The following PCDHA5 variants were observed in gnomAD, a reference collection of about 807,000 sequenced individuals.
PCDHA5 encodes the protein protocadherin alpha-5.
In PCDHA5, 43 loss-of-function variants were observed where a neutral mutation model predicts 61.6. The observed-to-expected ratio is 0.70, with a 90% confidence interval of 0.55 to 0.90. The LOEUF (loss-of-function observed/expected upper bound fraction) is 0.90. Among genes scored for constraint, PCDHA5 ranks in the 40% least tolerant of loss-of-function variants. PCDHA5 has a pLI of 0.00. For synonymous variants in PCDHA5, 627 were observed against 543.9 expected (o/e 1.15, Z -2.13); for missense variants, 1,298 against 1,222.7 (o/e 1.06, Z -0.92).
At chr5:140,913,657 G>A (rs1554196018) in intron 1 of PCDHA5, among the ~76,000 whole-genome samples, 1 of 152,170 alleles carries the variant, frequency 6.6e-6, no homozygotes, top group Non-Finnish European at 1.5e-5. Context: ...TCTTTAAGAT[G>A]TATAGTTAGG....
rs112292443 is a variant in PCDHA5 at position 140,899,661 on chromosome 5, C to T, written c.2352+75534C>T. Among the ~76,000 whole-genome samples the T allele has an allele frequency of 4.4e-3, 665 of 152,224 alleles. 7 individuals carry two copies. Among genetic ancestry groups the T allele is most frequent in the African/African-American group, 0.015 (620 of 41,530 alleles). ...ATTCTCTTATTTGGTTGTGTCTCTGCCCGGCTTTGGTATCAGGATGATGCT... is the reference window on the plus strand; with the variant it reads ...ATTCTCTTATTTGGTTGTGTCTCTGTCCGGCTTTGGTATCAGGATGATGCT... On this transcript the variant is annotated intron_variant, in intron 1 of 3. Transcript: ENST00000529859.
In PCDHA5 at chr5:140,835,824, G is replaced by A. The variant is rs2150245957; in HGVS notation, c.2352+11697G>A. 5 of 1,612,592 alleles carry A rather than the reference G, an allele frequency of 3.1e-6. No individual in the cohort carries two copies. The South Asian group carries it at 4.4e-5, about 14-fold the overall frequency. On this transcript the variant is annotated intron_variant, in intron 1 of 3. Transcript: ENST00000529859. ...CCACATCTTCACTGTGTCGGCGGGG[G>A]ACGCGGACGCGCAGAAGAACGCGCT...
intron 1 of PCDHA5, chr5:140,871,434 A>G (rs781977570): frequency 1.9e-6 from 3 of 1,612,514 alleles, no homozygotes; most frequent in Non-Finnish European, 2.5e-6. Context: ...GTCTTCCTCT[A>G]GGTCTGAATA....
chr5:140,841,975 C>T (rs1777621234), intron 1 of PCDHA5: 7 of 1,613,726 alleles, frequency 4.3e-6, no homozygotes, highest in Non-Finnish European at 5.9e-6. Context: ...CAGATGGGGG[C>T]AAACCTGAGC....
intron 1 of PCDHA5, chr5:140,827,937 T>C (rs1259463577): frequency 8.9e-7 from 1 of 1,126,774 alleles, no homozygotes; most frequent in African/African-American, 1.6e-5. Context: ...AAGTTATAGC[T>C]AGCCAACATT....
intron 1 of PCDHA5, chr5:140,876,094 C>A (rs782479233): frequency 3.1e-6 from 5 of 1,613,926 alleles, no homozygotes; most frequent in Non-Finnish European, 4.2e-6. Flanking sequence ...AACGCCAAAA[C>A]TCAATTTATT....
chr5:140,995,346 A>G (rs2097678208), intron 3 of PCDHA5, among the ~76,000 whole-genome samples: 2 of 151,964 alleles, frequency 1.3e-5, no homozygotes, highest in South Asian at 4.2e-4. Context: ...GACGGCATGG[A>G]TAGGTCGGAC....
intron 1 of PCDHA5, among the ~76,000 whole-genome samples, chr5:140,923,528 C>CA (rs1240707958): frequency 2.0e-5 from 3 of 151,622 alleles, no homozygotes; most frequent in Non-Finnish European, 4.4e-5. Context: ...GATTCTGTCC[C>CA]AAAAAAAGGA....
intron 1 of PCDHA5, among the ~76,000 whole-genome samples, chr5:140,918,149 A>G (rs2078550151): frequency 1.3e-5 from 2 of 151,946 alleles, no homozygotes; most frequent in African/African-American, 4.8e-5. Flanking sequence ...CTTTTTGTGT[A>G]TGTCTATTGT....
chr5:140,835,527 A>T, intron 1 of PCDHA5: 1 of 1,613,968 alleles, frequency 6.2e-7, no homozygotes, highest in Non-Finnish European at 8.5e-7. Context: ...TTTTGGAGTC[A>T]ACGGACAGGT....
intron 1 of PCDHA5, chr5:140,878,044 G>A (rs1554170271): frequency 1.9e-6 from 1 of 516,218 alleles, no homozygotes; most frequent in Admixed American, 3.9e-5. Flanking sequence ...TGGAGGCCAT[G>A]GAGCACCACA....
At position 140,851,057 on chromosome 5, in the gene PCDHA5, C is replaced by T; in HGVS notation, c.2352+26930C>T. The T allele has an allele frequency of 2.9e-6, 4 of 1,378,132 alleles. No homozygotes were observed. In the African/African-American group the frequency reaches 4.4e-5, roughly 15 times the overall value. 85.4% of individuals were successfully genotyped at this position (1,378,132 alleles called of 1,614,324 possible). ...AACATTGGAGCCGACTTTGTCTTGA[C>T]TTCTAGTGAGAATTATAAACTGTAT... On this transcript the variant is annotated intron_variant, in intron 1 of 3. Transcript: ENST00000529859.
chr5:140,999,215 C>A (rs1290752092), intron 3 of PCDHA5, among the ~76,000 whole-genome samples: 1 of 152,140 alleles, frequency 6.6e-6, no homozygotes, highest in East Asian at 1.9e-4. Context: ...TCTGGAAGTA[C>A]TACATTTGAG....
Position 141,000,421 on chromosome 5 carries a change from A to ATTTTTTT in PCDHA5, c.2501-9189_2501-9183dup, listed in dbSNP as rs34755515. Among the ~76,000 whole-genome samples the ATTTTTTT allele has an allele frequency of 5.7e-4, 16 of 27,980 alleles. 1 individual carries two copies. Among genetic ancestry groups the ATTTTTTT allele is most frequent in the African/African-American group, 8.9e-4 (5 of 5,638 alleles). 18.4% of individuals were successfully genotyped at this position (27,980 alleles called of 152,430 possible). ...TATATATATATATATATATATATAT[A>ATTTTTTT]TTTTTTTTTTTTTTTTTTTTTTTGA... On this transcript the variant is annotated intron_variant, in intron 3 of 3. Coordinates refer to ENST00000529859, the MANE Select transcript of PCDHA5 (RefSeq NM_018908.3).
chr5:140,835,826 C>A, intron 1 of PCDHA5: 1 of 1,612,456 alleles, frequency 6.2e-7, no homozygotes, highest in East Asian at 2.2e-5. Flanking sequence ...CGGCGGGGGA[C>A]GCGGACGCGC....
rs782673373 is a variant in PCDHA5 at position 140,858,110 on chromosome 5, G to T, written c.2352+33983G>T. The T allele has an allele frequency of 6.9e-6, 11 of 1,597,760 alleles. No homozygotes were observed. The East Asian group carries it at 2.2e-4, about 32-fold the overall frequency. ...GCGGGCTTCAGTGGGCGTGGCGCCC[G>T]AGGTGGCCCTGGTGGATGTCAACGT... On this transcript the variant is annotated intron_variant, in intron 1 of 3. Coordinates refer to ENST00000529859, the MANE Select transcript of PCDHA5 (RefSeq NM_018908.3).
intron 1 of PCDHA5, among the ~76,000 whole-genome samples, chr5:140,917,939 G>A (rs1408047210): frequency 6.6e-6 from 1 of 151,830 alleles, no homozygotes; most frequent in African/African-American, 2.4e-5. Context: ...AAATAATATT[G>A]GTAGTTTGAT....
At chr5:140,965,143 G>A (rs1451263269) in intron 1 of PCDHA5, among the ~76,000 whole-genome samples, 1 of 152,230 alleles carries the variant, frequency 6.6e-6, no homozygotes, top group Admixed American at 6.5e-5. Context: ...AGAATACTGG[G>A]AGATGAAGAG....
At chr5:140,851,889 A>G in intron 1 of PCDHA5, 1 of 976,024 alleles carries the variant, frequency 1.0e-6, no homozygotes, top group East Asian at 1.1e-4. Context: ...TCTGGATATG[A>G]GATTTGCCTC....
Sources: gnomAD v4.1 joint callset for allele counts (sites outside exome capture counted in the v4.1 genomes callset) on GRCh38, gnomAD v4.1.1 for gene constraint, MANE v1.5 for transcripts, NCBI Gene and HGNC (gene_info 2026-07-23, HGNC 2026-07-21) for gene names.